Variants in SPIDR observed in about 807,000 individuals in gnomAD.
SPIDR encodes the protein DNA repair-scaffolding protein.
SPIDR carries 93 observed loss-of-function variants against 104.6 expected under a neutral mutation model. The observed-to-expected ratio is 0.89, with a 90% CI of 0.75 to 1.06. SPIDR has a LOEUF of 1.06. Ranked by LOEUF, SPIDR falls within the 50% of genes least tolerant of loss-of-function variation. SPIDR has a pLI of 0.00. For synonymous variants in SPIDR, 431 were observed against 416.9 expected (o/e 1.03, Z -0.41); for missense variants, 1,154 against 1,111.2 (o/e 1.04, Z -0.55).
intron 8 of SPIDR, among the ~76,000 whole-genome samples, chr8:47,582,897 C>T (rs1008550388): frequency 6.6e-6 from 1 of 151,704 alleles, no homozygotes; most frequent in Non-Finnish European, 1.5e-5. Context: ...CCACCAGACA[C>T]ACACACACAC....
intron 5 of SPIDR, 104 bp downstream of exon 5, chr8:47,294,134 A>G (rs1034772649): frequency 6.9e-7 from 1 of 1,445,460 alleles, no homozygotes; most frequent in Non-Finnish European, 9.3e-7. Flanking sequence ...CCTCGAGAAC[A>G]ACCACTTTTG....
At chr8:47,704,034 A>C (rs2080720431) in intron 14 of SPIDR, among the ~76,000 whole-genome samples, 1 of 152,202 alleles carries the variant, frequency 6.6e-6, no homozygotes, top group African/African-American at 2.4e-5. Flanking sequence ...TAATTTTTAC[A>C]TTTCAGATGT....
At chr8:47,387,606 A>G (rs2060107454) in intron 5 of SPIDR, among the ~76,000 whole-genome samples, 1 of 152,204 alleles carries the variant, frequency 6.6e-6, no homozygotes, top group Non-Finnish European at 1.5e-5. Context: ...TGAGGCAAAC[A>G]ACTGGTTTTG....
At chr8:47,295,992 T>A (rs1056215187) in intron 5 of SPIDR, among the ~76,000 whole-genome samples, 12 of 152,216 alleles carry the variant, frequency 7.9e-5, no homozygotes, top group African/African-American at 2.9e-4. Context: ...AGGTGTGAGG[T>A]GATCCCTCAT....
At chr8:47,320,602 C>G (rs1331369285) in intron 5 of SPIDR, among the ~76,000 whole-genome samples, 1 of 152,176 alleles carries the variant, frequency 6.6e-6, no homozygotes, top group Non-Finnish European at 1.5e-5. Context: ...TTTTATGAGG[C>G]CAGCATCAGC....
chr8:47,368,896 G>C (rs992785931), intron 5 of SPIDR, among the ~76,000 whole-genome samples: 2 of 152,132 alleles, frequency 1.3e-5, no homozygotes, highest in Non-Finnish European at 2.9e-5. Flanking sequence ...AGAGATGAAA[G>C]GGCTGGAAAC....
chr8:47,282,053 G>T (rs2037901223), intron 2 of SPIDR, among the ~76,000 whole-genome samples: 1 of 152,190 alleles, frequency 6.6e-6, no homozygotes, highest in African/African-American at 2.4e-5. Flanking sequence ...TTGTCAATCA[G>T]CAGTAATAGT....
chr8:47,471,526 A>G (rs1410539719), intron 8 of SPIDR, among the ~76,000 whole-genome samples: 1 of 152,190 alleles, frequency 6.6e-6, no homozygotes, highest in Non-Finnish European at 1.5e-5. Context: ...GTTGGCAAAG[A>G]TGCAAAGAAA....
chr8:47,659,578 C>T (rs1281754663), intron 10 of SPIDR: 1 of 337,782 alleles, frequency 3.0e-6, no homozygotes, highest in African/African-American at 2.2e-5. Context: ...TCCCAGGCGG[C>T]TACAGGAGTG....
chr8:47,532,355 C>T (rs1034702559), intron 8 of SPIDR, among the ~76,000 whole-genome samples: 1 of 152,156 alleles, frequency 6.6e-6, no homozygotes, highest in Admixed American at 6.5e-5. Flanking sequence ...AGGCATGAGC[C>T]ACCACGCCTG....
At chr8:47,511,750 A>T in intron 8 of SPIDR, 1 of 1,300,132 alleles carries the variant, frequency 7.7e-7, no homozygotes, top group Non-Finnish European at 1.1e-6. Context: ...CTCCACAGCT[A>T]CAGCTCCATG....
At chr8:47,644,795 AG>A (rs2069977881) in intron 10 of SPIDR, among the ~76,000 whole-genome samples, 1 of 152,216 alleles carries the variant, frequency 6.6e-6, no homozygotes, top group South Asian at 2.1e-4. Context: ...AGGAGCATCA[AG>A]GTCACCTTGG....
At chr8:47,260,913 C>T, upstream of SPIDR, 1 of 1,214,442 alleles carries the variant, frequency 8.2e-7, no homozygotes, top group Non-Finnish European at 1.0e-6. Context: ...CGAGGTGGGA[C>T]GGCGGCGCGC....
intron 5 of SPIDR, among the ~76,000 whole-genome samples, chr8:47,334,302 T>C (rs2049299256): frequency 6.6e-6 from 1 of 152,238 alleles, no homozygotes; most frequent in African/African-American, 2.4e-5. Flanking sequence ...GGTGGTGTTA[T>C]TGTGTTCAAA....
At chr8:47,516,232 T>G (rs901257321) in intron 8 of SPIDR, among the ~76,000 whole-genome samples, 1 of 152,132 alleles carries the variant, frequency 6.6e-6, no homozygotes, top group African/African-American at 2.4e-5. Context: ...GCATGAACCA[T>G]CATACCCAGC....
At chr8:47,610,143 C>T (rs1333448896) in intron 10 of SPIDR, among the ~76,000 whole-genome samples, 1 of 152,152 alleles carries the variant, frequency 6.6e-6, no homozygotes, top group Non-Finnish European at 1.5e-5. Flanking sequence ...TGTTTCTGAC[C>T]TCCTTTCTCT....
At chr8:47,353,064 A>G (rs917467787) in intron 5 of SPIDR, among the ~76,000 whole-genome samples, 10 of 151,824 alleles carry the variant, frequency 6.6e-5, no homozygotes, top group African/African-American at 2.2e-4. Flanking sequence ...AAAAAAAAAA[A>G]AAAAAAAAAA....
intron 8 of SPIDR, among the ~76,000 whole-genome samples, chr8:47,557,406 A>G (rs1044322763): frequency 1.3e-5 from 2 of 152,224 alleles, no homozygotes; most frequent in Non-Finnish European, 2.9e-5. Context: ...TGAACTGATA[A>G]CAAGAAGGGC....
intron 8 of SPIDR, among the ~76,000 whole-genome samples, chr8:47,586,157 C>A (rs2060227215): frequency 6.6e-6 from 1 of 152,052 alleles, no homozygotes; most frequent in East Asian, 1.9e-4. Context: ...TAGGTTGTTG[C>A]CAGTTTGGGA....
Sources: gnomAD v4.1 joint callset for allele counts (sites outside exome capture counted in the v4.1 genomes callset) on GRCh38, gnomAD v4.1.1 for gene constraint, MANE v1.5 for transcripts, NCBI Gene and HGNC (gene_info 2026-07-23, HGNC 2026-07-21) for gene names.